Variants in ARMC2 observed in about 807,000 individuals in gnomAD.
ARMC2 encodes the protein armadillo repeat-containing protein 2.
A neutral mutation model predicts 90.3 loss-of-function variants in ARMC2; 67 were observed. The observed-to-expected ratio is 0.74, with a 90% CI of 0.61 to 0.91. ARMC2 has a LOEUF of 0.91. ARMC2 is among the 40% of genes least tolerant of loss of function. The probability of loss-of-function intolerance (pLI) is 0.00; values close to 1 mark genes in which losing one functional copy is unlikely to be tolerated. For missense variants in ARMC2, 920 were observed against 1,030.9 expected, an observed-to-expected ratio of 0.89 and a Z score of 1.47; for synonymous variants, 393 against 393.0, an observed-to-expected ratio of 1.00 and a Z score of 0.00.
At chr6:109,022,411 CTTTTTTTTTTTT>C in the ARMC2 span, among the ~76,000 whole-genome samples, 17 of 65,878 alleles carry the variant, frequency 2.6e-4, no homozygotes, top group South Asian at 4.2e-3. Context: ...TGTTCTAAAG[CTTTTTTTTTTTT>C]TTTTTTTTTT....
chr6:108,938,415 ATTT>A lies in ARMC2; in HGVS notation c.1596+1431_1596+1433del, dbSNP rs34837816. 8.6e-4 allele frequency among the ~76,000 whole-genome samples: 121 copies of A among 141,454 alleles called. No homozygotes were observed. In the East Asian group the frequency reaches 8.6e-3, roughly 10 times the overall value. The allele number at this position is 141,454 out of a possible 152,430, so 92.8% of individuals were successfully genotyped here. A position where few individuals can be genotyped will look rare whatever the true frequency, so the allele number is the denominator to read the frequency against. ...AGGCATGTGCCACCACACCTGGCTA[ATTT>A]TTTTTTTTTTTTTTGGTAGAGACAG... is the stretch of plus-strand genomic sequence containing the variant. On this transcript the variant is annotated intron_variant, in intron 12 of 17. Transcript: ENST00000392644.
chr6:108,906,564 A>G (rs1772752950), intron 8 of ARMC2, among the ~76,000 whole-genome samples: 1 of 151,980 alleles, frequency 6.6e-6, no homozygotes, highest in Non-Finnish European at 1.5e-5. Context: ...TCACTGCAGT[A>G]TCAAATTCTG....
At chr6:108,924,815 G>T (rs1774956822) in intron 10 of ARMC2, among the ~76,000 whole-genome samples, 1 of 152,212 alleles carries the variant, frequency 6.6e-6, no homozygotes, top group Non-Finnish European at 1.5e-5. Flanking sequence ...AGCAGCTATG[G>T]GGGCAAACTG....
At chr6:108,905,323 C>G (rs1441577751) in intron 8 of ARMC2, among the ~76,000 whole-genome samples, 1 of 152,076 alleles carries the variant, frequency 6.6e-6, no homozygotes, top group Admixed American at 6.6e-5. Flanking sequence ...TATGTAATAT[C>G]AGGGGGAGGC....
chr6:108,961,384 T>C lies in ARMC2; in HGVS notation c.1916-188T>C, dbSNP rs1329041486. Among the ~76,000 whole-genome samples, 3 of 152,172 alleles carry C rather than the reference T, an allele frequency of 2.0e-5. No homozygotes were observed. The East Asian group carries it at 5.8e-4, about 29-fold the overall frequency. ...TCTGCTCTGGCCAGGAGCAGGCCCTTGCATTTGGGGCATTTCCGTGCAGGA... is the reference window on the plus strand; with the variant it reads ...TCTGCTCTGGCCAGGAGCAGGCCCTCGCATTTGGGGCATTTCCGTGCAGGA... On this transcript the variant is annotated intron_variant, in intron 13 of 17. Transcript: ENST00000392644.
At chr6:109,000,669 G>A in the ARMC2 span, 8 of 1,566,730 alleles carry the variant, frequency 5.1e-6, no homozygotes, top group East Asian at 4.6e-5. Context: ...ATGTCTTGCC[G>A]CAGCCTTAAA....
chr6:108,990,111 A>G, the ARMC2 span, among the ~76,000 whole-genome samples: 2 of 152,352 alleles, frequency 1.3e-5, no homozygotes, highest in South Asian at 4.1e-4. Flanking sequence ...GTTTGTGTGC[A>G]TGTGTGAGAA....
chr6:108,995,275 T>C, the ARMC2 span, among the ~76,000 whole-genome samples: 1 of 152,246 alleles, frequency 6.6e-6, no homozygotes, highest in Non-Finnish European at 1.5e-5. Context: ...ATAAATAAGA[T>C]ACACAAAGTA....
chr6:108,862,198 G>C (rs907641575), intron 3 of ARMC2, among the ~76,000 whole-genome samples: 1 of 151,956 alleles, frequency 6.6e-6, no homozygotes, highest in South Asian at 2.1e-4. Flanking sequence ...ATAAACATTA[G>C]CCAGGTGTGG....
At chr6:108,945,113 A>G (rs1311806250) in intron 12 of ARMC2, among the ~76,000 whole-genome samples, 1 of 152,130 alleles carries the variant, frequency 6.6e-6, no homozygotes, top group African/African-American at 2.4e-5. Flanking sequence ...AAATGTGCAC[A>G]TATTGTCTGC....
At chr6:108,871,371 C>G (rs1399913315) in intron 4 of ARMC2, among the ~76,000 whole-genome samples, 1 of 152,110 alleles carries the variant, frequency 6.6e-6, no homozygotes, top group Non-Finnish European at 1.5e-5. Context: ...ACCTGAGGAG[C>G]TTTTCAAACG....
the ARMC2 span, among the ~76,000 whole-genome samples, chr6:109,040,637 A>G: frequency 2.6e-5 from 4 of 151,648 alleles, no homozygotes; most frequent in African/African-American, 9.7e-5. Flanking sequence ...TTAAACATAT[A>G]TGTGACAAAC....
chr6:108,899,250 T>G (rs970273905), intron 6 of ARMC2, among the ~76,000 whole-genome samples: 5 of 152,206 alleles, frequency 3.3e-5, no homozygotes, highest in Admixed American at 3.3e-4. Flanking sequence ...CCCATGTTAG[T>G]GTAGACATTT....
intron 8 of ARMC2, chr6:108,907,567 G>C: frequency 6.7e-7 from 1 of 1,484,548 alleles, no homozygotes; most frequent in Non-Finnish European, 9.3e-7. Context: ...AGAGGGGCTC[G>C]GGCCAAGGTC....
intron 12 of ARMC2, among the ~76,000 whole-genome samples, chr6:108,945,604 T>G (rs1776748195): frequency 6.6e-6 from 1 of 152,242 alleles, no homozygotes. Flanking sequence ...TTGTGCTGCT[T>G]TTAAAGTCCT....
At chr6:109,002,901 ACT>A in the ARMC2 span, among the ~76,000 whole-genome samples, 2 of 151,888 alleles carry the variant, frequency 1.3e-5, no homozygotes, top group Non-Finnish European at 2.9e-5. Context: ...TTTTAGAGAA[ACT>A]CATTTTGTTT....
At chr6:108,908,673 A>G (rs1161250548) in intron 8 of ARMC2, among the ~76,000 whole-genome samples, 1 of 151,948 alleles carries the variant, frequency 6.6e-6, no homozygotes, top group Non-Finnish European at 1.5e-5. Context: ...GATTGAGCCC[A>G]CGAGGTCAAG....
At chr6:108,971,253 CTT>C (rs1778745756) in intron 17 of ARMC2, among the ~76,000 whole-genome samples, 1 of 152,138 alleles carries the variant, frequency 6.6e-6, no homozygotes, top group Non-Finnish European at 1.5e-5. Flanking sequence ...CTACCTGACT[CTT>C]TTTGTCTGGA....
the ARMC2 span, chr6:109,009,473 A>ACGGCTGCGGACGCGCGGAGG: frequency 4.0e-6 from 5 of 1,252,316 alleles, no homozygotes; most frequent in Non-Finnish European, 4.0e-6. Flanking sequence ...CGGCGCGGGG[A>ACGGCTGCGGACGCGCGGAGG]CGGCTGCGGA....
Sources: gnomAD v4.1 joint callset for allele counts (sites outside exome capture counted in the v4.1 genomes callset) on GRCh38, gnomAD v4.1.1 for gene constraint, MANE v1.5 for transcripts, NCBI Gene and HGNC (gene_info 2026-07-23, HGNC 2026-07-21) for gene names.